Variants in MYLK observed in about 807,000 individuals in gnomAD.
The protein encoded by MYLK is myosin light chain kinase, smooth muscle.
A neutral mutation model predicts 203.4 loss-of-function variants in MYLK; 106 were observed. The ratio of observed to expected loss-of-function variants is 0.52; its 90% CI spans 0.45 to 0.61. The LOEUF (loss-of-function observed/expected upper bound fraction) is 0.61, where lower values mean the gene tolerates loss of function less well. MYLK is among the 20% of genes least tolerant of loss of function. The pLI is 0.00. For missense variants in MYLK, 2,072 were observed against 2,442.3 expected (o/e 0.85, Z 3.20); for synonymous variants, 867 against 959.5 (o/e 0.90, Z 1.78).
chr3:123,728,780 A>G (rs545397674), intron 11 of MYLK, among the ~76,000 whole-genome samples: 15 of 152,100 alleles, frequency 9.9e-5, no homozygotes, highest in Non-Finnish European at 1.9e-4. Flanking sequence ...GAAAAACCCC[A>G]TGCGTAAGAG....
At chr3:123,668,413 A>G (rs780391240) in intron 20 of MYLK, among the ~76,000 whole-genome samples, 8 of 151,070 alleles carry the variant, frequency 5.3e-5, no homozygotes, top group Non-Finnish European at 1.2e-4. Flanking sequence ...CAAATTCAAA[A>G]GGTCACATAC....
intron 4 of MYLK, among the ~76,000 whole-genome samples, chr3:123,770,724 C>T (rs1291471347): frequency 6.6e-6 from 1 of 151,758 alleles, no homozygotes; most frequent in Non-Finnish European, 1.5e-5. Context: ...TGGAGTAAAA[C>T]ACACCAAAAG....
rs544113904 is a variant in MYLK at position 123,836,346 on chromosome 3, T to C, written c.-126-4676A>G. On this transcript the variant is annotated intron_variant, in intron 2 of 33. Coordinates refer to ENST00000360304, the MANE Select transcript of MYLK (RefSeq NM_053025.4). The stretch of plus-strand genomic sequence containing the variant: ...CCAACTTCTCTTCCAGAATCAGCCA[T>C]GTAATCACATCTTCTAGAGATATGT... 1.2e-4 allele frequency among the ~76,000 whole-genome samples: 19 copies of C among 152,372 alleles called. No individual in the cohort carries two copies. The South Asian group carries it at 3.3e-3, about 27-fold the overall frequency.
At chr3:123,769,116 T>C (rs1468998363) in intron 4 of MYLK, among the ~76,000 whole-genome samples, 2 of 150,282 alleles carry the variant, frequency 1.3e-5, no homozygotes, top group Non-Finnish European at 3.0e-5. Flanking sequence ...CTAATCACCA[T>C]GACATCACCT....
intron 20 of MYLK, among the ~76,000 whole-genome samples, chr3:123,678,503 G>A (rs1373634510): frequency 6.6e-6 from 1 of 151,966 alleles, no homozygotes; most frequent in Non-Finnish European, 1.5e-5. Context: ...CCTCATGCTT[G>A]TCAGTGCTCA....
chr3:123,638,762 A>G, intron 28 of MYLK: 1 of 985,266 alleles, frequency 1.0e-6, no homozygotes. Context: ...CCTACTCCTC[A>G]CACAGCTTCA....
Position 123,649,200 on chromosome 3 carries a change from G to T in MYLK, c.4289-6C>A, listed in dbSNP as rs200774169. 3.1e-6 allele frequency: 5 copies of T among 1,612,334 alleles called. No individual in the cohort carries two copies. Among genetic ancestry groups the T allele is most frequent in the Admixed American group, 1.7e-5 (1 of 59,968 alleles). ...CTCCACTTCATCCTTCGGCTCTGGG[G>T]GGGGCACAAGGAAGGACAGAGAGGA... On this transcript the variant is annotated splice_polypyrimidine_tract_variant and splice_region_variant and intron_variant, in intron 24 of 33. Coordinates refer to ENST00000360304, the MANE Select transcript of MYLK (RefSeq NM_053025.4).
At chr3:123,709,179 C>T (rs527506240) in intron 14 of MYLK, 156 of 233,784 alleles carry the variant, frequency 6.7e-4, no homozygotes, top group Non-Finnish European at 1.0e-3. Context: ...TTTGCTCTGT[C>T]GCCCAGGCTG....
At position 123,753,774 on chromosome 3, in the gene MYLK, T is replaced by C. The variant is rs551733288; in HGVS notation, c.166-1236A>G. Among the ~76,000 whole-genome samples, 50 of 152,312 alleles carry C rather than the reference T, an allele frequency of 3.3e-4. 1 individual carries two copies. The highest frequency in any genetic ancestry group is 7.2e-4 in the Non-Finnish European group (49 of 68,030). ...GCCAAGGACCCAGAATTGGGGATTTTAGCACTGGAAAGTAGAAGGCATCAT... is the reference window on the plus strand; with the variant it reads ...GCCAAGGACCCAGAATTGGGGATTTCAGCACTGGAAAGTAGAAGGCATCAT... On this transcript the variant is annotated intron_variant, in intron 4 of 33. Transcript: ENST00000360304.
chr3:123,649,203 G>A lies in MYLK; in HGVS notation c.4289-9C>T, dbSNP rs41443051. 2.5e-6 allele frequency: 4 copies of A among 1,612,306 alleles called. No individual in the cohort carries two copies. Among genetic ancestry groups the A allele is most frequent in the South Asian group, 1.1e-5 (1 of 91,004 alleles). ...CACTTCATCCTTCGGCTCTGGGGGG[G>A]GCACAAGGAAGGACAGAGAGGACAC... On this transcript the variant is annotated splice_polypyrimidine_tract_variant and intron_variant, in intron 24 of 33. Coordinates refer to ENST00000360304, the MANE Select transcript of MYLK (RefSeq NM_053025.4).
At chr3:123,658,106 G>T (rs1248361207) in intron 23 of MYLK, among the ~76,000 whole-genome samples, 1 of 152,200 alleles carries the variant, frequency 6.6e-6, no homozygotes, top group African/African-American at 2.4e-5. Flanking sequence ...GGCTTGACTA[G>T]TCATTACTAT....
At chr3:123,634,894 G>C (rs1254401) in intron 29 of MYLK, among the ~76,000 whole-genome samples, 49,480 of 152,172 alleles carry the variant, frequency 0.33, 14,779 homozygotes, top group African/African-American at 0.76. Flanking sequence ...AACCACATGG[G>C]TATTGCTAAC....
rs138979580 is a variant in MYLK, at chr3:123,662,516, C to T, written c.3985+1589G>A. On this transcript the variant is annotated intron_variant, in intron 23 of 33. Coordinates refer to ENST00000360304, the MANE Select transcript of MYLK (RefSeq NM_053025.4). The stretch of plus-strand genomic sequence containing the variant: ...ACCATAGAATGTCAGAGAATAGAGT[C>T]GAGGAATCAGAATGTCAGAGAATAG... Among the ~76,000 whole-genome samples, 16 of 152,044 alleles carry T rather than the reference C, an allele frequency of 1.1e-4. 1 individual carries two copies. In the East Asian group the frequency reaches 1.9e-3, roughly 18 times the overall value.
chr3:123,793,735 A>G lies in MYLK; in HGVS notation c.107T>C (p.Ile36Thr). The G allele has an allele frequency of 6.2e-7, 1 of 1,614,134 alleles. No homozygotes were observed. Among genetic ancestry groups the G allele is most frequent in the Non-Finnish European group, 8.5e-7 (1 of 1,180,020 alleles). ...SMPLTEAPAF[I>T]LPPRNLCIKE... ...GATGCAGAGGTTCCGAGGGGGCAAA[A>G]TGAAAGCAGGGGCCTCTGTCAGGGG... Residue 36 changes from isoleucine (I) to threonine (T), a missense_variant, in exon 4 of 34, where the codon ATT (isoleucine) becomes ACT (threonine). Transcript: ENST00000360304.
At chr3:123,742,959 GC>G (rs1251102100) in intron 5 of MYLK, among the ~76,000 whole-genome samples, 1 of 152,184 alleles carries the variant, frequency 6.6e-6, no homozygotes, top group Non-Finnish European at 1.5e-5. Context: ...GTTGCCAGGA[GC>G]TGGGGGAGGA....
intron 5 of MYLK, among the ~76,000 whole-genome samples, chr3:123,745,243 A>G (rs900173833): frequency 2.6e-5 from 4 of 151,938 alleles, no homozygotes; most frequent in Non-Finnish European, 4.4e-5. Context: ...CCCATCCTGT[A>G]CCCCTAGTGC....
chr3:123,752,180 C>A, intron 5 of MYLK, 151 bp downstream of exon 5: 1 of 811,460 alleles, frequency 1.2e-6, no homozygotes, highest in African/African-American at 1.7e-5. Flanking sequence ...ACATCTCTCC[C>A]ATTAGATTGG....
intron 3 of MYLK, among the ~76,000 whole-genome samples, chr3:123,822,096 G>A (rs1014187891): frequency 7.8e-4 from 118 of 152,226 alleles, no homozygotes; most frequent in East Asian, 4.3e-3. Flanking sequence ...TTCCACCGTG[G>A]GATGACACAG....
At position 123,649,159 on chromosome 3, in the gene MYLK, C is replaced by T; in HGVS notation, c.4321+3G>A. The stretch of plus-strand genomic sequence containing the variant: ...CTGACCCGAAGACAGGGGCTGCACT[C>T]ACCATCATCTGACACCTCCACTTCA... On this transcript the variant is annotated splice_donor_region_variant and intron_variant, in intron 25 of 33. Coordinates refer to ENST00000360304, the MANE Select transcript of MYLK (RefSeq NM_053025.4). 6.2e-7 allele frequency: 1 copy of T among 1,613,612 alleles called. No individual in the cohort carries two copies. The highest frequency in any genetic ancestry group is 8.5e-7 in the Non-Finnish European group (1 of 1,180,034).
Sources: allele counts gnomAD v4.1 joint callset (sites outside exome capture counted in the v4.1 genomes callset), GRCh38; gene constraint gnomAD v4.1.1; transcripts MANE v1.5; gene names NCBI Gene and HGNC (gene_info 2026-07-23, HGNC 2026-07-21).